GRID2: variants seen among roughly 807,000 people sequenced by gnomAD.
The protein encoded by GRID2 is glutamate ionotropic receptor delta type subunit 2.
Under a neutral mutation model 114.8 loss-of-function variants are expected in GRID2, and 33 were observed. That is an observed-to-expected ratio of 0.29 (90% CI 0.22 to 0.38). The LOEUF (loss-of-function observed/expected upper bound fraction) is 0.38. Among genes scored for constraint, GRID2 ranks in the 10% least tolerant of loss-of-function variants. The pLI is 1.00. For missense variants in GRID2, 1,184 were observed against 1,257.7 expected (o/e 0.94, Z 0.89); for synonymous variants, 505 against 449.9 (o/e 1.12, Z -1.55).
At chr4:93,677,282 G>A (rs879159708) in intron 14 of GRID2, among the ~76,000 whole-genome samples, 5 of 152,156 alleles carry the variant, frequency 3.3e-5, no homozygotes, top group East Asian at 1.9e-4. Flanking sequence ...TGGGAAGCTC[G>A]AACTGGGTGG....
chr4:93,622,939 A>T (rs1336004116), intron 13 of GRID2, among the ~76,000 whole-genome samples: 1 of 152,118 alleles, frequency 6.6e-6, no homozygotes, highest in Non-Finnish European at 1.5e-5. Flanking sequence ...CTTTTCTTAA[A>T]ACTTGGTCTT....
At chr4:93,132,924 T>C (rs1316287868) in intron 4 of GRID2, among the ~76,000 whole-genome samples, 1 of 152,212 alleles carries the variant, frequency 6.6e-6, no homozygotes, top group African/African-American at 2.4e-5. Context: ...TTGGGAGTGC[T>C]CAAGTTGTGG....
intron 1 of GRID2, among the ~76,000 whole-genome samples, chr4:92,380,889 A>C (rs1729590813): frequency 6.6e-6 from 1 of 152,024 alleles, no homozygotes; most frequent in Non-Finnish European, 1.5e-5. Context: ...TAATTAAATT[A>C]CACAACCAAA....
chr4:93,489,314 C>T (rs1357601423), intron 11 of GRID2, among the ~76,000 whole-genome samples: 2 of 151,662 alleles, frequency 1.3e-5, no homozygotes, highest in Admixed American at 1.3e-4. Flanking sequence ...ATGCAAGGGC[C>T]CTGGGACATA....
At chr4:92,785,859 A>G (rs1739298950) in intron 2 of GRID2, among the ~76,000 whole-genome samples, 1 of 151,902 alleles carries the variant, frequency 6.6e-6, no homozygotes, top group East Asian at 1.9e-4. Flanking sequence ...TTTTAAAACT[A>G]TAAATTGTAA....
chr4:93,572,379 G>T (rs1578289373), intron 13 of GRID2, among the ~76,000 whole-genome samples: 1 of 152,170 alleles, frequency 6.6e-6, no homozygotes, highest in East Asian at 1.9e-4. Context: ...TATGCTTTGA[G>T]TTCCATTATG....
chr4:93,179,953 T>A (rs558283458), intron 4 of GRID2, among the ~76,000 whole-genome samples: 2 of 152,158 alleles, frequency 1.3e-5, no homozygotes, highest in Admixed American at 6.6e-5. Context: ...AGATAAAATC[T>A]GAATTTTGCA....
chr4:93,046,238 T>G (rs184621821), intron 2 of GRID2, among the ~76,000 whole-genome samples: 7 of 152,210 alleles, frequency 4.6e-5, no homozygotes, highest in African/African-American at 7.2e-5. Flanking sequence ...GATATTACAT[T>G]TTTTGCACAT....
At chr4:92,902,807 A>G (rs1299031647) in intron 2 of GRID2, among the ~76,000 whole-genome samples, 1 of 151,862 alleles carries the variant, frequency 6.6e-6, no homozygotes, top group African/African-American at 2.4e-5. Context: ...CTGTAGGTCT[A>G]TGGCTTCATT....
chr4:92,821,411 T>TAG (rs1741271143), intron 2 of GRID2, among the ~76,000 whole-genome samples: 1 of 152,180 alleles, frequency 6.6e-6, no homozygotes, highest in Non-Finnish European at 1.5e-5. Flanking sequence ...TTTCTATTGA[T>TAG]AATCATGGAT....
At chr4:93,277,046 G>A (rs2149578851) in intron 8 of GRID2, among the ~76,000 whole-genome samples, 1 of 151,846 alleles carries the variant, frequency 6.6e-6, no homozygotes, top group Non-Finnish European at 1.5e-5. Flanking sequence ...AGTGGAAAAG[G>A]GGATACAGAT....
intron 14 of GRID2, among the ~76,000 whole-genome samples, chr4:93,682,073 C>G (rs1182756121): frequency 6.6e-6 from 1 of 151,708 alleles, no homozygotes; most frequent in Non-Finnish European, 1.5e-5. Flanking sequence ...TGAACTCAAA[C>G]AAATTTACAA....
At chr4:93,382,644 AC>A (rs1168242734) in intron 8 of GRID2, among the ~76,000 whole-genome samples, 11 of 151,514 alleles carry the variant, frequency 7.3e-5, no homozygotes, top group Admixed American at 7.2e-4. Context: ...GATTTCCTCT[AC>A]TTTTCTTTTA....
At chr4:93,214,157 G>T (rs539776188) in intron 5 of GRID2, among the ~76,000 whole-genome samples, 3 of 152,026 alleles carry the variant, frequency 2.0e-5, no homozygotes, top group Non-Finnish European at 2.9e-5. Context: ...GATATTTAAT[G>T]GTGCTGGGGG....
intron 9 of GRID2, among the ~76,000 whole-genome samples, chr4:93,415,978 C>CTAAGT (rs1767665311): frequency 6.6e-6 from 1 of 151,906 alleles, no homozygotes; most frequent in South Asian, 2.1e-4. Context: ...AGATTAAAAT[C>CTAAGT]TAAGTTTAAT....
chr4:92,808,210 C>T (rs1740507365), intron 2 of GRID2, among the ~76,000 whole-genome samples: 2 of 151,930 alleles, frequency 1.3e-5, no homozygotes, highest in African/African-American at 4.8e-5. Context: ...AGAAGGAACA[C>T]ACAGCAGAGT....
intron 2 of GRID2, among the ~76,000 whole-genome samples, chr4:93,073,729 C>A (rs1260682854): frequency 1.3e-5 from 2 of 152,138 alleles, no homozygotes; most frequent in Non-Finnish European, 1.5e-5. Flanking sequence ...CTCCTGGGAG[C>A]TGGTCAGGAA....
intron 8 of GRID2, among the ~76,000 whole-genome samples, chr4:93,353,186 C>T (rs376690958): frequency 2.6e-5 from 4 of 152,028 alleles, no homozygotes; most frequent in African/African-American, 9.6e-5. Flanking sequence ...ATGGTTCATA[C>T]ATAAGAAGAT....
chr4:93,058,973 C>CT (rs1727524273), intron 2 of GRID2, among the ~76,000 whole-genome samples: 1 of 151,996 alleles, frequency 6.6e-6, no homozygotes, highest in South Asian at 2.1e-4. Flanking sequence ...TCTGTTCTGA[C>CT]GCTGTATAAC....
Sources: allele counts gnomAD v4.1 joint callset (sites outside exome capture counted in the v4.1 genomes callset), GRCh38; gene constraint gnomAD v4.1.1; transcripts MANE v1.5; gene names NCBI Gene and HGNC (gene_info 2026-07-23, HGNC 2026-07-21).